CHLSN: variants seen among roughly 807,000 people sequenced by gnomAD.
The protein encoded by CHLSN is cholesin, also known as protein cholesin.
chr7:999,194 CAT>C, the CHLSN span, among the ~76,000 whole-genome samples: 2 of 152,122 alleles, frequency 1.3e-5, no homozygotes, highest in East Asian at 3.9e-4. Flanking sequence ...GTAATAGTAA[CAT>C]ATAAATAAAA....
chr7:991,637 C>T, the CHLSN span, among the ~76,000 whole-genome samples: 89 of 152,356 alleles, frequency 5.8e-4, no homozygotes, highest in Non-Finnish European at 9.7e-4. Flanking sequence ...CGGGGCTTGG[C>T]ACGGATGGGA....
the CHLSN span, among the ~76,000 whole-genome samples, chr7:1,054,014 A>T: frequency 6.6e-6 from 1 of 152,130 alleles, no homozygotes; most frequent in Non-Finnish European, 1.5e-5. Context: ...GTGGCCGAGG[A>T]AGGGGTTTCC....
the CHLSN span, among the ~76,000 whole-genome samples, chr7:1,048,146 G>A: frequency 2.0e-5 from 3 of 152,166 alleles, no homozygotes; most frequent in East Asian, 1.9e-4. Context: ...CTGAGAGAAC[G>A]AGGGGAAGCG....
chr7:1,030,722 C>T, the CHLSN span, among the ~76,000 whole-genome samples: 8 of 139,828 alleles, frequency 5.7e-5, no homozygotes, highest in East Asian at 1.6e-3. Context: ...TCTCTCTCTC[C>T]CGGGGCAGGG....
At chr7:1,016,116 G>GCACA in the CHLSN span, among the ~76,000 whole-genome samples, 1 of 59,252 alleles carries the variant, frequency 1.7e-5, no homozygotes, top group African/African-American at 1.1e-4. Context: ...GCAGCGCACA[G>GCACA]CAGCACACAG....
the CHLSN span, chr7:1,091,537 T>C: frequency 1.7e-6 from 1 of 580,734 alleles, no homozygotes; most frequent in Non-Finnish European, 3.1e-6. Flanking sequence ...GGAGCATCTG[T>C]TCTTCCCACT....
the CHLSN span, among the ~76,000 whole-genome samples, chr7:1,108,749 G>GC: frequency 1.3e-5 from 2 of 152,136 alleles, no homozygotes; most frequent in Non-Finnish European, 2.9e-5. Context: ...TGACACACAC[G>GC]CCCCTACCGT....
At chr7:1,077,144 G>C in the CHLSN span, among the ~76,000 whole-genome samples, 1 of 152,184 alleles carries the variant, frequency 6.6e-6, no homozygotes, top group Non-Finnish European at 1.5e-5. Context: ...GGGGCTTTCA[G>C]GTCCTATTTT....
the CHLSN span, among the ~76,000 whole-genome samples, chr7:1,049,280 G>A: frequency 6.6e-6 from 1 of 152,252 alleles, no homozygotes; most frequent in African/African-American, 2.4e-5. Flanking sequence ...CTTTATATGT[G>A]GGGAGGAGGC....
At chr7:1,088,028 A>C in the CHLSN span, 9 of 152,490 alleles carry the variant, frequency 5.9e-5, no homozygotes, top group African/African-American at 2.2e-4. This position sits in a 1 kb window ranked among gnomAD's most constrained non-coding sequence, Gnocchi z 4.5. Flanking sequence ...CCTTCTGAGG[A>C]GGCCGCCCAG....
chr7:1,021,465 G>A, the CHLSN span: 1 of 985,352 alleles, frequency 1.0e-6, no homozygotes, highest in African/African-American at 1.7e-5. Flanking sequence ...GATCGGCAGT[G>A]GTGGCCACCT....
At chr7:1,080,108 C>T in the CHLSN span, among the ~76,000 whole-genome samples, 6 of 152,234 alleles carry the variant, frequency 3.9e-5, no homozygotes, top group Non-Finnish European at 4.4e-5. Context: ...GTTAGAAGGA[C>T]AGGTGCTGGC....
At chr7:981,844 G>A in the CHLSN span, among the ~76,000 whole-genome samples, 19 of 152,052 alleles carry the variant, frequency 1.2e-4, no homozygotes, top group Non-Finnish European at 2.5e-4. Context: ...CCTGAGCAAC[G>A]TAGCAGGACC....
At chr7:1,116,834 G>C in the CHLSN span, among the ~76,000 whole-genome samples, 1 of 57,676 alleles carries the variant, frequency 1.7e-5, no homozygotes, top group Non-Finnish European at 2.9e-5. Flanking sequence ...CATCACCGAC[G>C]CCCACGCAGG....
the CHLSN span, among the ~76,000 whole-genome samples, chr7:1,071,297 T>A: frequency 1.3e-5 from 2 of 152,234 alleles, no homozygotes. Context: ...GGCTTAAAAA[T>A]TCTTTTTGAA....
chr7:1,057,119 G>A, the CHLSN span, among the ~76,000 whole-genome samples: 11 of 152,164 alleles, frequency 7.2e-5, no homozygotes, highest in Non-Finnish European at 1.5e-4. Context: ...GGCAAGATGC[G>A]AACACCACAG....
chr7:1,115,721 C>T, the CHLSN span, among the ~76,000 whole-genome samples: 6 of 114,424 alleles, frequency 5.2e-5, no homozygotes, highest in East Asian at 1.2e-3. Context: ...CTCTACGGAC[C>T]GGCTTCCATC....
chr7:981,484 G>A, the CHLSN span, among the ~76,000 whole-genome samples: 3 of 151,322 alleles, frequency 2.0e-5, no homozygotes, highest in African/African-American at 4.9e-5. Context: ...AGGCCGAGGC[G>A]GGCGGATCAT....
the CHLSN span, among the ~76,000 whole-genome samples, chr7:1,027,355 G>C: frequency 6.6e-6 from 1 of 152,260 alleles, no homozygotes; most frequent in Non-Finnish European, 1.5e-5. Flanking sequence ...AGGCAGCCCG[G>C]TTCGCGTGTC....
Sources: allele counts gnomAD v4.1 joint callset (sites outside exome capture counted in the v4.1 genomes callset), GRCh38; gene constraint gnomAD v4.1.1; non-coding constraint Gnocchi (gnomAD v3.1); transcripts MANE v1.5; gene names NCBI Gene and HGNC (gene_info 2026-07-23, HGNC 2026-07-21).